Variants in FAM78A observed in about 807,000 individuals in gnomAD.
The protein encoded by FAM78A is family with sequence similarity 78 member A.
A neutral mutation model predicts 22.6 loss-of-function variants in FAM78A; 12 were observed. The ratio of observed to expected loss-of-function variants is 0.53; its 90% CI spans 0.34 to 0.86. FAM78A has a LOEUF of 0.86. FAM78A is among the 40% of genes least tolerant of loss of function. The pLI is 0.02. For synonymous variants in FAM78A, 151 were observed against 155.8 expected (o/e 0.97, Z 0.23); for missense variants, 322 against 396.1 (o/e 0.81, Z 1.59).
chr9:131,273,632 G>C (rs1403928738), intron 1 of FAM78A, among the ~76,000 whole-genome samples: 4 of 152,246 alleles, frequency 2.6e-5, no homozygotes, highest in African/African-American at 9.6e-5. Context: ...GGCCTGGGGA[G>C]AAAATTCACT....
intron 1 of FAM78A, among the ~76,000 whole-genome samples, chr9:131,273,863 C>A (rs1324702291): frequency 6.6e-6 from 1 of 152,210 alleles, no homozygotes; most frequent in Non-Finnish European, 1.5e-5. Context: ...TTGCCAGCCC[C>A]AGTTTGCAGA....
rs929756675 is a variant in FAM78A at position 131,275,361 on chromosome 9, C to T, written c.323+496G>A. On this transcript the variant is annotated intron_variant, in intron 1 of 1. Transcript: ENST00000372271. The surrounding 1 kb of genome is among the most constrained non-coding windows in gnomAD (Gnocchi z 4.6). Reference sequence around the variant, plus strand: ...AAGCACTCCCCCAGCTCCTGGCATACACTGGTAAAAGCCAGAAAGATAATT... The same window carrying T: ...AAGCACTCCCCCAGCTCCTGGCATATACTGGTAAAAGCCAGAAAGATAATT... Among the ~76,000 whole-genome samples the T allele has an allele frequency of 2.0e-5, 3 of 152,246 alleles. No individual in the cohort carries two copies. Among genetic ancestry groups the T allele is most frequent in the African/African-American group, 7.2e-5 (3 of 41,460 alleles).
chr9:131,264,483 C>A, intron 1 of FAM78A: 2 of 674,412 alleles, frequency 3.0e-6, no homozygotes, highest in South Asian at 3.3e-5. Context: ...GTGGTCCAGT[C>A]ACAGACGCGC....
At position 131,275,638 on chromosome 9, in the gene FAM78A, G is replaced by A. The variant is rs1835472369; in HGVS notation, c.323+219C>T. Among the ~76,000 whole-genome samples, 1 of 152,230 alleles carries A rather than the reference G, an allele frequency of 6.6e-6. No homozygotes were observed. Among genetic ancestry groups the A allele is most frequent in the Admixed American group, 6.5e-5 (1 of 15,286 alleles). On this transcript the variant is annotated intron_variant, in intron 1 of 1. Transcript: ENST00000372271. This position sits in a 1 kb window ranked among gnomAD's most constrained non-coding sequence, Gnocchi z 4.6. Reference sequence around the variant, plus strand: ...GGAACCCGGGGGGAACAGTGGCAGGGTAGATTGCAGGACCGTGACTCCAAT... The same window carrying A: ...GGAACCCGGGGGGAACAGTGGCAGGATAGATTGCAGGACCGTGACTCCAAT...
chr9:131,263,875 G>C (rs1048688173), intron 1 of FAM78A: 1 of 152,346 alleles, frequency 6.6e-6, no homozygotes, highest in Non-Finnish European at 1.5e-5. Flanking sequence ...GAACCTGCAG[G>C]CAGCTCAGAC....
At chr9:131,277,251 C>A (rs950579206), upstream of FAM78A, among the ~76,000 whole-genome samples, 1 of 151,880 alleles carries the variant, frequency 6.6e-6, no homozygotes, top group Non-Finnish European at 1.5e-5. This position sits in a 1 kb window ranked among gnomAD's most constrained non-coding sequence, Gnocchi z 8.4. Context: ...GAGCACTTGC[C>A]CTGCTCTGTC....
intron 1 of FAM78A, among the ~76,000 whole-genome samples, chr9:131,269,757 G>A (rs918903970): frequency 1.1e-4 from 16 of 152,112 alleles, no homozygotes; most frequent in African/African-American, 3.4e-4. Flanking sequence ...GATTATAGGC[G>A]TGAGCCACCG....
Position 131,261,558 on chromosome 9 carries a change from A to T in FAM78A, c.324-208T>A, listed in dbSNP as rs1835270390. 6.6e-6 allele frequency among the ~76,000 whole-genome samples: 1 copy of T among 152,068 alleles called. No individual in the cohort carries two copies. On this transcript the variant is annotated intron_variant, in intron 1 of 1. Transcript: ENST00000372271. This position sits in a 1 kb window ranked among gnomAD's most constrained non-coding sequence, Gnocchi z 7.1. ...CTGCTGTTACAATCATAACCCTCAG[A>T]CAGAAGAAGGTGGCCGGCCTGGCCC...
intron 1 of FAM78A, chr9:131,264,575 G>C: frequency 1.4e-6 from 1 of 717,250 alleles, no homozygotes; most frequent in Non-Finnish European, 2.6e-6. Flanking sequence ...TAAATGTACT[G>C]ATACTCACTG....
Position 131,260,501 on chromosome 9 carries a change from T to A in FAM78A, c.*321A>T, listed in dbSNP as rs545468586. On this transcript the variant is annotated 3_prime_UTR_variant, in exon 2 of 2. Coordinates refer to ENST00000372271, the MANE Select transcript of FAM78A (RefSeq NM_033387.4). This position sits in a 1 kb window ranked among gnomAD's most constrained non-coding sequence, Gnocchi z 5.4. ...TGAGCCCCCAAAAGAGGAGTTTTTTTAAAAAACGGAAAAAGCAGTGTTTCA... is the reference window on the plus strand; with the variant it reads ...TGAGCCCCCAAAAGAGGAGTTTTTTAAAAAAACGGAAAAAGCAGTGTTTCA... 111 of 231,750 alleles carry A rather than the reference T, an allele frequency of 4.8e-4. No homozygotes were observed. The highest frequency in any genetic ancestry group is 3.2e-3 in the East Asian group (38 of 11,798). 14.4% of individuals were successfully genotyped at this position (231,750 alleles called of 1,614,324 possible). A position where few individuals can be genotyped will look rare whatever the true frequency, so the allele number is the denominator to read the frequency against.
rs773025858 is a variant in FAM78A at position 131,261,330 on chromosome 9, T to G, written c.344A>C (p.Asp115Ala). ...EQGMSSWELP[D>A]LQEGKIQAIS... ...GGCTTGGATCTTGCCCTCCTGGAGG[T>G]CGGGGAGCTCCCAGCTGGACCTGAG... Residue 115 changes from aspartate (D) to alanine (A), a missense_variant, in exon 2 of 2, where the codon GAC becomes GCC. Coordinates refer to ENST00000372271, the MANE Select transcript of FAM78A (RefSeq NM_033387.4). The surrounding 1 kb of genome is among the most constrained non-coding windows in gnomAD (Gnocchi z 7.1). The G allele has an allele frequency of 6.3e-7, 1 of 1,591,862 alleles. No individual in the cohort carries two copies. Among genetic ancestry groups the G allele is most frequent in the Non-Finnish European group, 8.5e-7 (1 of 1,175,050 alleles).
At chr9:131,279,612 G>A (rs1367651252), upstream of FAM78A, among the ~76,000 whole-genome samples, 2 of 152,222 alleles carry the variant, frequency 1.3e-5, no homozygotes, top group Non-Finnish European at 2.9e-5. Context: ...CCAGAGCCCT[G>A]AACCGCCTTG....
rs769234538 is a variant in FAM78A at position 131,261,067 on chromosome 9, T to C, written c.607A>G (p.Met203Val). The C allele has an allele frequency of 3.1e-6, 5 of 1,614,152 alleles. No homozygotes were observed. Among genetic ancestry groups the C allele is most frequent in the Non-Finnish European group, 4.2e-6 (5 of 1,180,026 alleles). The change falls in exon 2 of 2, where the codon ATG becomes GTG. Residue 203 changes from methionine (M) to valine (V), a missense_variant. Physicochemically the swap from Met to Val is conservative, Grantham distance 21 (BLOSUM62 1). Transcript: ENST00000372271. This position sits in a 1 kb window ranked among gnomAD's most constrained non-coding sequence, Gnocchi z 7.1. ...LVATNTSTNDMIILQTLHWRM... is the reference protein window; with the variant it reads ...LVATNTSTNDVIILQTLHWRM... ...CAGTGCAGCGTCTGCAGGATGATCATGTCGTTGGTGGAGGTGTTGGTGGCC... is the reference window on the plus strand; with the variant it reads ...CAGTGCAGCGTCTGCAGGATGATCACGTCGTTGGTGGAGGTGTTGGTGGCC...
rs7024383 is a variant in FAM78A at position 131,265,742 on chromosome 9, G to C, written c.324-4392C>G. ...GGCAGAGCCTTGAACCACGCTCAGGGCCCTTCTGAGTGCAGGCCCCGGACA... is the reference window on the plus strand; with the variant it reads ...GGCAGAGCCTTGAACCACGCTCAGGCCCCTTCTGAGTGCAGGCCCCGGACA... On this transcript the variant is annotated intron_variant, in intron 1 of 1. Coordinates refer to ENST00000372271, the MANE Select transcript of FAM78A (RefSeq NM_033387.4). This position sits in a 1 kb window ranked among gnomAD's most constrained non-coding sequence, Gnocchi z 4.3. Among the ~76,000 whole-genome samples, 1 of 152,030 alleles carries C rather than the reference G, an allele frequency of 6.6e-6. No homozygotes were observed. The highest frequency in any genetic ancestry group is 1.5e-5 in the Non-Finnish European group (1 of 68,020).
chr9:131,263,700 A>C (rs1199248119), intron 1 of FAM78A: 1 of 154,722 alleles, frequency 6.5e-6, no homozygotes, highest in Admixed American at 6.5e-5. Flanking sequence ...CTACTTATGC[A>C]TCATATAATG....
At chr9:131,264,569 T>G (rs12001317) in intron 1 of FAM78A, 27,490 of 716,858 alleles carry the variant, frequency 0.038, 3,220 homozygotes, top group African/African-American at 0.32. Flanking sequence ...GATGATTAAA[T>G]GTACTGATAC....
Position 131,261,418 on chromosome 9 carries a change from G to A in FAM78A, c.324-68C>T, listed in dbSNP as rs1284343361. On this transcript the variant is annotated intron_variant, in intron 1 of 1. Coordinates refer to ENST00000372271, the MANE Select transcript of FAM78A (RefSeq NM_033387.4). This position sits in a 1 kb window ranked among gnomAD's most constrained non-coding sequence, Gnocchi z 7.1. ...GAGGGCTTTCTGTGTCCCCCTGGCA[G>A]GCCAGGGGCTGTCCTGGGCCCTGAG... 7.0e-7 allele frequency: 1 copy of A among 1,420,096 alleles called. No individual in the cohort carries two copies. Among genetic ancestry groups the A allele is most frequent in the Non-Finnish European group, 9.3e-7 (1 of 1,074,240 alleles). The allele number at this position is 1,420,096 out of a possible 1,614,324, so 88.0% of individuals were successfully genotyped here.
chr9:131,264,671 C>G lies in FAM78A; in HGVS notation c.324-3321G>C, dbSNP rs182065301. 1.8e-5 allele frequency: 13 copies of G among 713,782 alleles called. No individual in the cohort carries two copies. In the Admixed American group the frequency reaches 2.6e-4, roughly 14 times the overall value. The allele number at this position is 713,782 out of a possible 1,614,324, so 44.2% of individuals were successfully genotyped here. ...CAGTTAGAAGTGTGCCTCTCCCAGACCAGGTAGCCCTGATTTGACCCAAAG... is the reference window on the plus strand; with the variant it reads ...CAGTTAGAAGTGTGCCTCTCCCAGAGCAGGTAGCCCTGATTTGACCCAAAG... On this transcript the variant is annotated intron_variant, in intron 1 of 1. Transcript: ENST00000372271.
intron 1 of FAM78A, among the ~76,000 whole-genome samples, chr9:131,264,907 G>C (rs1300589279): frequency 6.6e-6 from 1 of 152,036 alleles, no homozygotes; most frequent in Non-Finnish European, 1.5e-5. Flanking sequence ...ACTTTTAGTA[G>C]AGACGGGGTT....
Sources: gnomAD v4.1 joint callset for allele counts (sites outside exome capture counted in the v4.1 genomes callset) on GRCh38, gnomAD v4.1.1 for gene constraint, Gnocchi (gnomAD v3.1) non-coding constraint, MANE v1.5 for transcripts, NCBI Gene and HGNC (gene_info 2026-07-23, HGNC 2026-07-21) for gene names.